Variants in PPP1R13B observed in about 807,000 individuals in gnomAD.
The protein encoded by PPP1R13B is apoptosis-stimulating of p53 protein 1.
Under a neutral mutation model 119.8 loss-of-function variants are expected in PPP1R13B, and 44 were observed. The observed-to-expected ratio is 0.37, with a 90% confidence interval of 0.29 to 0.47. PPP1R13B has a LOEUF of 0.47. PPP1R13B is among the 20% of genes least tolerant of loss of function. The pLI is 0.99. For missense variants in PPP1R13B, 1,227 were observed against 1,413.5 expected, an observed-to-expected ratio of 0.87 and a Z score of 2.12; for synonymous variants, 542 against 561.5, an observed-to-expected ratio of 0.97 and a Z score of 0.49.
At chr14:103,831,613 T>C (rs1054962950) in intron 1 of PPP1R13B, among the ~76,000 whole-genome samples, 1 of 150,386 alleles carries the variant, frequency 6.6e-6, no homozygotes, top group Admixed American at 6.6e-5. Context: ...GCTCGGCCTC[T>C]TTTGCCTTTT....
intron 1 of PPP1R13B, among the ~76,000 whole-genome samples, chr14:103,829,013 T>C (rs549168610): frequency 1.3e-5 from 2 of 152,312 alleles, no homozygotes; most frequent in South Asian, 2.1e-4. Flanking sequence ...AAGTGGAGAC[T>C]CTCAAAATAA....
At chr14:103,818,057 C>G (rs1009082657) in intron 1 of PPP1R13B, among the ~76,000 whole-genome samples, 1 of 152,012 alleles carries the variant, frequency 6.6e-6, no homozygotes, top group African/African-American at 2.4e-5. Context: ...TATACACATA[C>G]CTTTGAAAAA....
chr14:103,808,744 T>C (rs919845167), intron 1 of PPP1R13B, among the ~76,000 whole-genome samples: 3 of 152,226 alleles, frequency 2.0e-5, no homozygotes, highest in Non-Finnish European at 2.9e-5. Context: ...AGGGCTTGTA[T>C]TATTTTGGAA....
intron 15 of PPP1R13B, chr14:103,737,185 G>A (rs2084134590): frequency 6.5e-6 from 1 of 152,676 alleles, no homozygotes; most frequent in African/African-American, 2.4e-5. Flanking sequence ...TTTCAAACAT[G>A]TTTTCAGGAA....
chr14:103,848,454 G>T (rs961908909), upstream of PPP1R13B: 3 of 985,356 alleles, frequency 3.0e-6, no homozygotes, highest in African/African-American at 5.2e-5. Context: ...GGCTGCCAGG[G>T]GGGTAGGCAC....
chr14:103,770,409 G>A (rs1278753711), intron 4 of PPP1R13B, among the ~76,000 whole-genome samples: 2 of 152,052 alleles, frequency 1.3e-5, no homozygotes, highest in Non-Finnish European at 2.9e-5. Flanking sequence ...CAGCTACGTG[G>A]GAGGCTGAGG....
At chr14:103,839,682 C>T (rs367596833) in intron 1 of PPP1R13B, among the ~76,000 whole-genome samples, 1 of 151,838 alleles carries the variant, frequency 6.6e-6, no homozygotes, top group Admixed American at 6.6e-5. Context: ...GCCTCTAAGG[C>T]CCTACAAGAT....
chr14:103,827,545 A>G (rs2086575606), intron 1 of PPP1R13B, among the ~76,000 whole-genome samples: 1 of 151,516 alleles, frequency 6.6e-6, no homozygotes. Context: ...CTAGAAAGTT[A>G]TAGTATGATA....
At chr14:103,770,561 A>T (rs927601848) in intron 4 of PPP1R13B, among the ~76,000 whole-genome samples, 3 of 152,126 alleles carry the variant, frequency 2.0e-5, no homozygotes, top group Admixed American at 6.6e-5. Context: ...ATACACATTT[A>T]TACCCAAGGC....
chr14:103,817,345 C>A (rs1462547997), intron 1 of PPP1R13B, among the ~76,000 whole-genome samples: 3 of 151,914 alleles, frequency 2.0e-5, no homozygotes, highest in Non-Finnish European at 4.4e-5. Context: ...CAACTGTAAC[C>A]AAGATCTAGA....
chr14:103,779,077 C>T (rs912890085), intron 3 of PPP1R13B, among the ~76,000 whole-genome samples: 1 of 152,010 alleles, frequency 6.6e-6, no homozygotes, highest in Non-Finnish European at 1.5e-5. Flanking sequence ...AGCTTGAGCC[C>T]ATGAGTTCTA....
chr14:103,779,826 A>T (rs1741814415), intron 3 of PPP1R13B, among the ~76,000 whole-genome samples: 1 of 152,036 alleles, frequency 6.6e-6, no homozygotes, highest in Admixed American at 6.6e-5. Context: ...CATATTACCA[A>T]GAGAGGAAAA....
intron 2 of PPP1R13B, among the ~76,000 whole-genome samples, chr14:103,795,980 CAAAT>C (rs1331243054): frequency 1.3e-5 from 2 of 152,122 alleles, no homozygotes; most frequent in Non-Finnish European, 2.9e-5. Context: ...AACAAAAAGA[CAAAT>C]AACCCATTTT....
chr14:103,830,301 G>A (rs2086639481), intron 1 of PPP1R13B, among the ~76,000 whole-genome samples: 2 of 151,468 alleles, frequency 1.3e-5, no homozygotes. Flanking sequence ...TCACCAAGTT[G>A]GCCAGGCTGG....
intron 4 of PPP1R13B, among the ~76,000 whole-genome samples, chr14:103,757,984 G>A (rs2084718242): frequency 6.6e-6 from 1 of 152,160 alleles, no homozygotes; most frequent in Non-Finnish European, 1.5e-5. Context: ...AAGGGCTCAA[G>A]TTTAAGCAAA....
intron 2 of PPP1R13B, among the ~76,000 whole-genome samples, chr14:103,789,821 C>T (rs555836776): frequency 6.6e-6 from 1 of 152,102 alleles, no homozygotes; most frequent in Admixed American, 6.6e-5. Flanking sequence ...GCCTGCAATT[C>T]TTGCTTAGTT....
At chr14:103,820,411 G>A (rs1271078653) in intron 1 of PPP1R13B, among the ~76,000 whole-genome samples, 1 of 151,330 alleles carries the variant, frequency 6.6e-6, no homozygotes, top group Non-Finnish European at 1.5e-5. Context: ...GTTGTTATTG[G>A]CTTAGCACTC....
At chr14:103,800,652 CAAAAAAACA>C (rs1170668727) in intron 1 of PPP1R13B, among the ~76,000 whole-genome samples, 6 of 132,694 alleles carry the variant, frequency 4.5e-5, no homozygotes, top group Admixed American at 3.8e-4. Flanking sequence ...AAGACTGTCT[CAAAAAAACA>C]AAAAAAACAA....
chr14:103,798,143 T>A (rs1357530151), intron 1 of PPP1R13B, among the ~76,000 whole-genome samples: 2 of 147,046 alleles, frequency 1.4e-5, no homozygotes, highest in Admixed American at 1.4e-4. Flanking sequence ...ACATTAAATA[T>A]AATAATCTCT....
Sources: allele counts gnomAD v4.1 joint callset (sites outside exome capture counted in the v4.1 genomes callset), GRCh38; gene constraint gnomAD v4.1.1; transcripts MANE v1.5; gene names NCBI Gene and HGNC (gene_info 2026-07-23, HGNC 2026-07-21).